DUSP15: variants seen among roughly 807,000 people sequenced by gnomAD.
DUSP15 encodes dual specificity protein phosphatase 15.
A neutral mutation model predicts 26.3 loss-of-function variants in DUSP15; 23 were observed. That is an observed-to-expected ratio of 0.87 (90% CI 0.63 to 1.24). The LOEUF is 1.24. DUSP15 is among the 50% of genes most tolerant of loss of function. The pLI is 0.00. For missense variants in DUSP15, 364 were observed against 320.6 expected (o/e 1.14, Z -1.03); for synonymous variants, 143 against 135.5 (o/e 1.06, Z -0.39).
chr20:31,861,735 C>T, intron 6 of DUSP15, 60 bp from the exon 7 acceptor site: 2 of 1,292,806 alleles, frequency 1.5e-6, no homozygotes, highest in Non-Finnish European at 2.0e-6. Flanking sequence ...GTCAAGGCAG[C>T]CGGCCCCGCC....
Position 31,861,620 on chromosome 20 carries a change from T to A in DUSP15, c.491A>T (p.Glu164Val), listed in dbSNP as rs1227780120. The change falls in exon 7 of 7, where the codon GAG (glutamate) becomes GTG (valine). Residue 164 changes from glutamate (E) to valine (V), a missense_variant. Physicochemically the swap from Glu to Val is moderately radical, Grantham distance 121. Coordinates refer to ENST00000339738, the MANE Select transcript of DUSP15 (RefSeq NM_080611.5). ...GCACAGCGGCAGCAGCGCGCGCAAC[T>A]CCTCCTCGTCGCGGAAGGGGCTCTC... ...FGESPFRDEE[E>V]LRALLPLCKR... 1 of 1,305,816 alleles carries A rather than the reference T, an allele frequency of 7.7e-7. No individual in the cohort carries two copies. Among genetic ancestry groups the A allele is most frequent in the East Asian group, 5.6e-5 (1 of 17,968 alleles). The allele number at this position is 1,305,816 out of a possible 1,614,324, so 80.9% of individuals were successfully genotyped here.
chr20:31,856,491 C>T (rs2062564983), downstream of DUSP15, among the ~76,000 whole-genome samples: 1 of 152,102 alleles, frequency 6.6e-6, no homozygotes. Context: ...TGCAGTTGTC[C>T]TGTGAGAGCT....
chr20:31,867,908 G>T (rs1242874145), intron 2 of DUSP15, among the ~76,000 whole-genome samples: 1 of 152,066 alleles, frequency 6.6e-6, no homozygotes, highest in Non-Finnish European at 1.5e-5. Context: ...GCCTCCCAAA[G>T]TGCTGGGATT....
intron 1 of DUSP15, 61 bp from the exon 2 acceptor site, chr20:31,869,658 G>A: frequency 1.9e-6 from 3 of 1,594,608 alleles, no homozygotes; most frequent in Non-Finnish European, 2.6e-6. Flanking sequence ...CACCCCCAGG[G>A]CAGCTGGGGG....
At chr20:31,850,559 G>T (rs2062452371) in intron 7 of DUSP15, 2 of 1,564,842 alleles carry the variant, frequency 1.3e-6, no homozygotes, top group Admixed American at 1.9e-5. Context: ...CCACCCCGCG[G>T]CCGTCCCCAG....
At chr20:31,859,767 G>A (rs1300648575), downstream of DUSP15, among the ~76,000 whole-genome samples, 1 of 152,220 alleles carries the variant, frequency 6.6e-6, no homozygotes, top group Admixed American at 6.5e-5. Context: ...CTTTTAAATA[G>A]GGGAAGACAC....
At chr20:31,855,916 C>T (rs2062553270) in intron 6 of DUSP15, among the ~76,000 whole-genome samples, 1 of 152,120 alleles carries the variant, frequency 6.6e-6, no homozygotes, top group Non-Finnish European at 1.5e-5. Context: ...ATGAATGCAT[C>T]GGGGGAGGCT....
chr20:31,861,511 C>G lies in DUSP15; in HGVS notation c.600G>C (p.Leu200=). ...SAASEGTVQR[L]VPRTPREAHR... ...GGGCTTCCCGGGGCGTGCGCGGCAC[C>G]AGGCGCTGCACGGTTCCCTCGGAGG... The change falls in exon 7 of 7, where the codon CTG becomes CTC. Residue 200 remains leucine, a synonymous_variant. Coordinates refer to ENST00000339738, the MANE Select transcript of DUSP15 (RefSeq NM_080611.5). 1 of 1,527,480 alleles carries G rather than the reference C, an allele frequency of 6.5e-7. No homozygotes were observed. The highest frequency in any genetic ancestry group is 8.7e-7 in the Non-Finnish European group (1 of 1,146,238). The allele number at this position is 1,527,480 out of a possible 1,614,324, so 94.6% of individuals were successfully genotyped here. A position where few individuals can be genotyped will look rare whatever the true frequency, so the allele number is the denominator to read the frequency against.
At chr20:31,857,890 A>G (rs570646684), downstream of DUSP15, among the ~76,000 whole-genome samples, 47 of 152,338 alleles carry the variant, frequency 3.1e-4, no homozygotes, top group African/African-American at 1.1e-3. Flanking sequence ...AGGCTGACAG[A>G]ATTCCCATTA....
chr20:31,857,747 G>A (rs968888010), downstream of DUSP15, among the ~76,000 whole-genome samples: 1 of 152,092 alleles, frequency 6.6e-6, no homozygotes, highest in South Asian at 2.1e-4. Flanking sequence ...CTCAAGAAAG[G>A]AGCCAGTTTG....
rs2062647113 is a variant in DUSP15, at chr20:31,861,426, G to A, written c.685C>T (p.Leu229=). 1.9e-6 allele frequency: 3 copies of A among 1,560,150 alleles called. No homozygotes were observed. Among genetic ancestry groups the A allele is most frequent in the Non-Finnish European group, 2.6e-6 (3 of 1,163,470 alleles). ...CCTCACTTGCCGCCCTTGCGGGACAGACACCGGGGGAGGCAAGAGAAAGTC... is the reference window on the plus strand; with the variant it reads ...CCTCACTTGCCGCCCTTGCGGGACAAACACCGGGGGAGGCAAGAGAAAGTC... ...KQTFSCLPRC[L]SRKGGK The change falls in exon 7 of 7, where the codon CTG becomes TTG. Residue 229 remains leucine (L), a synonymous_variant. Coordinates refer to ENST00000339738, the MANE Select transcript of DUSP15 (RefSeq NM_080611.5).
rs1444150372 is a variant in DUSP15 at position 31,861,148 on chromosome 20, C to T, written c.*255G>A. On this transcript the variant is annotated 3_prime_UTR_variant, in exon 7 of 7. Transcript: ENST00000339738. ...CTCTCCCTCCCTCCCCTCCCGCCGCCTTTAAGGGTGGGCCCCCTCCCCCAG... is the reference window on the plus strand; with the variant it reads ...CTCTCCCTCCCTCCCCTCCCGCCGCTTTTAAGGGTGGGCCCCCTCCCCCAG... The T allele has an allele frequency of 3.8e-6, 5 of 1,324,078 alleles. No homozygotes were observed. The highest frequency in any genetic ancestry group is 4.1e-5 in the Admixed American group (1 of 24,300). 82.0% of individuals were successfully genotyped at this position (1,324,078 alleles called of 1,614,324 possible). A position where few individuals can be genotyped will look rare whatever the true frequency, so the allele number is the denominator to read the frequency against.
chr20:31,862,408 A>G (rs1171088143), intron 6 of DUSP15, among the ~76,000 whole-genome samples, 163 bp downstream of exon 6: 5 of 152,206 alleles, frequency 3.3e-5, no homozygotes, highest in African/African-American at 1.2e-4. Flanking sequence ...CTGTCTAACA[A>G]AATACACCTA....
chr20:31,846,440 A>AAGAGAGAGAGAG (rs1385705408), downstream of DUSP15, among the ~76,000 whole-genome samples: 50 of 95,334 alleles, frequency 5.2e-4, no homozygotes, highest in African/African-American at 2.8e-3. Context: ...GAAAGGAATG[A>AAGAGAGAGAGAG]ATAGAGAGAG....
intron 6 of DUSP15, among the ~76,000 whole-genome samples, chr20:31,851,444 G>T (rs1380020783): frequency 1.3e-5 from 2 of 152,072 alleles, no homozygotes; most frequent in Admixed American, 1.3e-4. Flanking sequence ...GTGCATGGGG[G>T]TGGAGTGATG....
At chr20:31,853,857 G>A (rs1170938224) in intron 6 of DUSP15, among the ~76,000 whole-genome samples, 1 of 152,100 alleles carries the variant, frequency 6.6e-6, no homozygotes, top group East Asian at 1.9e-4. Flanking sequence ...TCCCACCTCG[G>A]CCTCCCAAAG....
chr20:31,866,315 C>T (rs1464528304), intron 3 of DUSP15, among the ~76,000 whole-genome samples: 1 of 152,144 alleles, frequency 6.6e-6, no homozygotes, highest in Non-Finnish European at 1.5e-5. Flanking sequence ...GTTATAGTAT[C>T]AGTTGTGATT....
intron 6 of DUSP15, among the ~76,000 whole-genome samples, chr20:31,853,308 A>G (rs1290281873): frequency 6.6e-6 from 1 of 152,168 alleles, no homozygotes; most frequent in Non-Finnish European, 1.5e-5. Context: ...GTGATGGGAT[A>G]TAAAATCATG....
intron 6 of DUSP15, among the ~76,000 whole-genome samples, chr20:31,855,097 C>T (rs1367369847): frequency 6.6e-6 from 1 of 152,156 alleles, no homozygotes; most frequent in African/African-American, 2.4e-5. Flanking sequence ...AACACTAGAC[C>T]ACACTTCAGC....
Sources: gnomAD v4.1 joint callset for allele counts (sites outside exome capture counted in the v4.1 genomes callset) on GRCh38, gnomAD v4.1.1 for gene constraint, MANE v1.5 for transcripts, NCBI Gene and HGNC (gene_info 2026-07-23, HGNC 2026-07-21) for gene names.